Variants in SH3RF2 observed in about 807,000 individuals in gnomAD.
The protein encoded by SH3RF2 is SH3 domain containing ring finger 2.
Under a neutral mutation model 59.0 loss-of-function variants are expected in SH3RF2, and 43 were observed. The ratio of observed to expected loss-of-function variants is 0.73; its 90% CI spans 0.57 to 0.94. SH3RF2 has a LOEUF of 0.94. SH3RF2 is among the 40% of genes least tolerant of loss of function. The probability of loss-of-function intolerance (pLI) is 0.00; values close to 1 mark genes in which losing one functional copy is unlikely to be tolerated. For synonymous variants in SH3RF2, 391 were observed against 391.5 expected, an observed-to-expected ratio of 1.00 and a Z score of 0.01; for missense variants, 930 against 940.1, an observed-to-expected ratio of 0.99 and a Z score of 0.14.
intron 2 of SH3RF2, among the ~76,000 whole-genome samples, chr5:145,961,335 G>A (rs991153313): frequency 2.1e-4 from 32 of 151,902 alleles, no homozygotes; most frequent in African/African-American, 1.7e-4. Context: ...CTTCCTTCTC[G>A]GGAAGGTACA....
chr5:145,943,230 T>TAA lies in SH3RF2; in HGVS notation c.378+4935_378+4936dup, dbSNP rs5871948. On this transcript the variant is annotated intron_variant, in intron 2 of 9. Coordinates refer to ENST00000359120, the MANE Select transcript of SH3RF2 (RefSeq NM_152550.4). The stretch of plus-strand genomic sequence containing the variant: ...CACAGAAACATGCAGGGATCTCCAT[T>TAA]AAAAAAAAAAAAGGAACCAAAGAGT... Among the ~76,000 whole-genome samples, 91 of 139,688 alleles carry TAA rather than the reference T, an allele frequency of 6.5e-4. 2 individuals carry two copies. In the East Asian group the frequency reaches 0.01, roughly 16 times the overall value. 91.6% of individuals were successfully genotyped at this position (139,688 alleles called of 152,430 possible). A position where few individuals can be genotyped will look rare whatever the true frequency, so the allele number is the denominator to read the frequency against.
chr5:146,074,059 A>ATTTTTT (rs1763292636), intron 9 of SH3RF2, among the ~76,000 whole-genome samples: 2 of 78,630 alleles, frequency 2.5e-5, no homozygotes, highest in African/African-American at 2.4e-4. Context: ...TTTTTTTTTG[A>ATTTTTT]GACAGAGTCT....
chr5:146,001,075 C>A (rs76482210), intron 3 of SH3RF2, among the ~76,000 whole-genome samples: 2,361 of 152,310 alleles, frequency 0.016, 66 homozygotes, highest in African/African-American at 0.054. Flanking sequence ...TAAATAACCT[C>A]TTACAAGATA....
intron 5 of SH3RF2, among the ~76,000 whole-genome samples, chr5:146,029,427 T>C (rs1761662655): frequency 6.6e-6 from 1 of 152,164 alleles, no homozygotes; most frequent in Non-Finnish European, 1.5e-5. Flanking sequence ...GGATCAATTA[T>C]CCATGTCTGT....
chr5:145,939,820 C>A (rs1342053824), intron 2 of SH3RF2, among the ~76,000 whole-genome samples: 1 of 152,182 alleles, frequency 6.6e-6, no homozygotes, highest in Non-Finnish European at 1.5e-5. Flanking sequence ...AACCTCTTCC[C>A]TTCCCCACCT....
chr5:146,062,882 G>A lies in SH3RF2; in HGVS notation c.*181G>A, dbSNP rs1762953687. 1.3e-6 allele frequency: 1 copy of A among 749,160 alleles called. No individual in the cohort carries two copies. Among genetic ancestry groups the A allele is most frequent in the Admixed American group, 3.0e-5 (1 of 33,502 alleles). The allele number at this position is 749,160 out of a possible 1,614,324, so 46.4% of individuals were successfully genotyped here. A position where few individuals can be genotyped will look rare whatever the true frequency, so the allele number is the denominator to read the frequency against. ...TCCTGCCCTGGGTGGGAGGATAGAT[G>A]GCGTGGCCTTCCAAACATACAAACA... On this transcript the variant is annotated 3_prime_UTR_variant, in exon 10 of 10. Coordinates refer to ENST00000359120, the MANE Select transcript of SH3RF2 (RefSeq NM_152550.4).
intron 5 of SH3RF2, among the ~76,000 whole-genome samples, chr5:146,030,813 A>G (rs1761717553): frequency 6.6e-6 from 1 of 152,206 alleles, no homozygotes; most frequent in Admixed American, 6.5e-5. Flanking sequence ...TGTGAAAATT[A>G]TATAAAATTG....
intron 2 of SH3RF2, among the ~76,000 whole-genome samples, chr5:145,946,476 G>A (rs1255474624): frequency 6.6e-6 from 1 of 152,078 alleles, no homozygotes; most frequent in Admixed American, 6.5e-5. Context: ...ATGCAGAAAT[G>A]AACCCTTTAT....
At position 146,056,131 on chromosome 5, in the gene SH3RF2, A is replaced by G; in HGVS notation, c.1473A>G (p.Ile491Met). Reference sequence around the variant, plus strand: ...AATCCGTCTTTGTGCCCACTGCCATAGTCAACCCCGTGAGAAGCACAGCCG... The same window carrying G: ...AATCCGTCTTTGTGCCCACTGCCATGGTCAACCCCGTGAGAAGCACAGCCG... ...PFKSVFVPTA[I>M]VNPVRSTAGP... is the part of the protein sequence containing the mutation. Residue 491 changes from isoleucine (I) to methionine (M), a missense_variant, in exon 8 of 10, where the codon ATA (isoleucine) becomes ATG (methionine). By Grantham distance (10) the Ile-to-Met change is conservative. Coordinates refer to ENST00000359120, the MANE Select transcript of SH3RF2 (RefSeq NM_152550.4). 1 of 1,614,202 alleles carries G rather than the reference A, an allele frequency of 6.2e-7. No individual in the cohort carries two copies. The highest frequency in any genetic ancestry group is 8.5e-7 in the Non-Finnish European group (1 of 1,180,042).
chr5:146,058,076 TCA>T (rs1415875770), intron 8 of SH3RF2, among the ~76,000 whole-genome samples: 4 of 152,020 alleles, frequency 2.6e-5, no homozygotes, highest in Non-Finnish European at 4.4e-5. Flanking sequence ...AAGCAATTGC[TCA>T]CACTTTCCTT....
chr5:146,014,163 G>GAATGCCCTACTAGTAACT, intron 5 of SH3RF2, 102 bp downstream of exon 5: 1 of 1,246,478 alleles, frequency 8.0e-7, no homozygotes, highest in Non-Finnish European at 1.1e-6. Context: ...TAAGCACCCA[G>GAATGCCCTACTAGTAACT]AATGCCCTAC....
intron 9 of SH3RF2, among the ~76,000 whole-genome samples, chr5:146,069,552 A>G (rs1763185500): frequency 1.3e-5 from 2 of 152,114 alleles, no homozygotes; most frequent in Admixed American, 1.3e-4. Flanking sequence ...CTTGTGAGGT[A>G]TGCAGGGAAA....
intron 2 of SH3RF2, among the ~76,000 whole-genome samples, chr5:145,957,971 G>A (rs1348579406): frequency 6.6e-6 from 1 of 152,132 alleles, no homozygotes; most frequent in Non-Finnish European, 1.5e-5. Flanking sequence ...AAATTAGCTA[G>A]GCATGGTGGC....
intron 2 of SH3RF2, among the ~76,000 whole-genome samples, chr5:145,960,808 T>G (rs1268039045): frequency 6.6e-6 from 1 of 152,106 alleles, no homozygotes; most frequent in Non-Finnish European, 1.5e-5. Context: ...ATTAACAGGA[T>G]GTAAAATTGC....
At chr5:146,010,843 G>A (rs79376653) in intron 4 of SH3RF2, among the ~76,000 whole-genome samples, 86,133 of 151,508 alleles carry the variant, frequency 0.57, 25,172 homozygotes, top group Middle Eastern at 0.79. Flanking sequence ...TGTTCACTCC[G>A]ATGGCAGTTT....
At chr5:145,984,842 C>T (rs1314737504) in intron 2 of SH3RF2, among the ~76,000 whole-genome samples, 1 of 152,158 alleles carries the variant, frequency 6.6e-6, no homozygotes, top group African/African-American at 2.4e-5. Context: ...TTCAGATTTG[C>T]AGAAGGTCTT....
chr5:146,078,254 C>T (rs1763372190), intron 9 of SH3RF2, among the ~76,000 whole-genome samples: 3 of 152,140 alleles, frequency 2.0e-5, no homozygotes. Flanking sequence ...TACCAAACAC[C>T]TTAACCAAAA....
At chr5:146,040,948 A>G (rs1762102969) in intron 5 of SH3RF2, among the ~76,000 whole-genome samples, 2 of 152,178 alleles carry the variant, frequency 1.3e-5, no homozygotes, top group African/African-American at 4.8e-5. Flanking sequence ...ATTCCATATT[A>G]CTAGGGACAC....
At chr5:146,035,927 G>A (rs568209844) in intron 5 of SH3RF2, among the ~76,000 whole-genome samples, 7 of 152,278 alleles carry the variant, frequency 4.6e-5, no homozygotes, top group East Asian at 1.9e-4. Flanking sequence ...GGCCTAGCAC[G>A]GTGCTTGGTA....
Sources: allele counts gnomAD v4.1 joint callset (sites outside exome capture counted in the v4.1 genomes callset), GRCh38; gene constraint gnomAD v4.1.1; transcripts MANE v1.5; gene names NCBI Gene and HGNC (gene_info 2026-07-23, HGNC 2026-07-21).